Variants in NBAS observed in about 807,000 individuals in gnomAD.
NBAS encodes NBAS subunit of NRZ tethering complex, also known as NAG/BC035112 fusion.
A neutral mutation model predicts 302.5 loss-of-function variants in NBAS; 219 were observed. The ratio of observed to expected loss-of-function variants is 0.72; its 90% CI spans 0.65 to 0.81. NBAS has a LOEUF of 0.81. Among genes scored for constraint, NBAS ranks in the 30% least tolerant of loss-of-function variants. The pLI is 0.00. For missense variants in NBAS, 2,932 were observed against 2,841.6 expected (o/e 1.03, Z -0.72); for synonymous variants, 1,118 against 1,021.6 (o/e 1.09, Z -1.80).
chr2:15,041,893 G>A, the NBAS span, among the ~76,000 whole-genome samples: 1 of 152,090 alleles, frequency 6.6e-6, no homozygotes, highest in Non-Finnish European at 1.5e-5. Context: ...TAAGGCCTGG[G>A]AGGATGGGGC....
At chr2:15,098,556 T>C in the NBAS span, among the ~76,000 whole-genome samples, 1 of 121,552 alleles carries the variant, frequency 8.2e-6, no homozygotes, top group Non-Finnish European at 1.6e-5. Context: ...TAATATGTTA[T>C]ATATTATATA....
the NBAS span, among the ~76,000 whole-genome samples, chr2:14,955,950 G>T: frequency 6.6e-6 from 1 of 152,128 alleles, no homozygotes; most frequent in Non-Finnish European, 1.5e-5. Context: ...TTCTGCAGCT[G>T]GCATGAATTT....
chr2:14,980,325 T>C, the NBAS span, among the ~76,000 whole-genome samples: 1 of 151,916 alleles, frequency 6.6e-6, no homozygotes, highest in African/African-American at 2.4e-5. Flanking sequence ...AACTAAATCA[T>C]TAAGCCTTTG....
the NBAS span, among the ~76,000 whole-genome samples, chr2:14,808,234 C>G: frequency 2.0e-5 from 3 of 152,178 alleles, no homozygotes; most frequent in Non-Finnish European, 4.4e-5. Flanking sequence ...CAGCCAAGAA[C>G]AGAGAGCTAG....
At chr2:14,855,722 G>T in the NBAS span, among the ~76,000 whole-genome samples, 1 of 152,148 alleles carries the variant, frequency 6.6e-6, no homozygotes, top group Admixed American at 6.5e-5. Flanking sequence ...GGACAGCCTT[G>T]TGTTGTTTGA....
the NBAS span, among the ~76,000 whole-genome samples, chr2:15,028,784 A>G: frequency 5.3e-5 from 8 of 152,276 alleles, no homozygotes; most frequent in Non-Finnish European, 7.3e-5. Flanking sequence ...TAAGTCCCCA[A>G]TCTCAGTTTT....
At chr2:15,557,456 TTTA>T (rs200755654) in intron 2 of NBAS, among the ~76,000 whole-genome samples, 1,523 of 152,282 alleles carry the variant, frequency 0.01, 14 homozygotes, top group South Asian at 0.033. Flanking sequence ...ACAATGAATT[TTTA>T]TTATTTGTAC....
the NBAS span, among the ~76,000 whole-genome samples, chr2:15,053,706 T>C: frequency 6.6e-6 from 1 of 151,554 alleles, no homozygotes; most frequent in Admixed American, 6.6e-5. Context: ...GGCACGTCCA[T>C]GTGGAAAAAA....
At chr2:14,790,886 G>T in the NBAS span, among the ~76,000 whole-genome samples, 1 of 150,514 alleles carries the variant, frequency 6.6e-6, no homozygotes, top group Non-Finnish European at 1.5e-5. Context: ...ATAGAGTTTC[G>T]CTCTTGTTGC....
At chr2:15,441,843 C>T (rs1415823194) in intron 21 of NBAS, among the ~76,000 whole-genome samples, 1 of 151,768 alleles carries the variant, frequency 6.6e-6, no homozygotes, top group Non-Finnish European at 1.5e-5. Flanking sequence ...CAAAAAAAGG[C>T]AGGGGTTGCA....
chr2:15,192,771 A>G (rs1037425350), intron 48 of NBAS, among the ~76,000 whole-genome samples: 1 of 152,196 alleles, frequency 6.6e-6, no homozygotes, highest in African/African-American at 2.4e-5. Flanking sequence ...AGTGTTTCCA[A>G]TGTTCCTAGC....
At chr2:15,532,589 A>C (rs1393201625) in intron 9 of NBAS, among the ~76,000 whole-genome samples, 2 of 151,966 alleles carry the variant, frequency 1.3e-5, no homozygotes, top group Non-Finnish European at 2.9e-5. Flanking sequence ...CTCGTGGTAG[A>C]GTAAGAAAAC....
chr2:14,906,620 C>T, the NBAS span, among the ~76,000 whole-genome samples: 1 of 152,150 alleles, frequency 6.6e-6, no homozygotes, highest in Non-Finnish European at 1.5e-5. Context: ...TGAGGGATAA[C>T]TCGACAGGGG....
chr2:15,456,207 C>G (rs376466931), intron 21 of NBAS, among the ~76,000 whole-genome samples: 87 of 152,188 alleles, frequency 5.7e-4, no homozygotes, highest in Non-Finnish European at 1.2e-3. Context: ...CAATATAAAA[C>G]ACAAAAATAG....
chr2:15,189,465 C>T (rs1665241668), intron 49 of NBAS, among the ~76,000 whole-genome samples: 1 of 152,118 alleles, frequency 6.6e-6, no homozygotes. Context: ...GTCAGCTGAG[C>T]ATGGGGAGAG....
rs142747790 is a variant in NBAS at position 15,416,085 on chromosome 2, CAGAG to C, written c.2764-370_2764-367del. ...AGCAAAGAGAAGGCATACGCAAAAA[CAGAG>C]AGAGAGAGAGAGAGAGAGAGTATAA... On this transcript the variant is annotated intron_variant, in intron 24 of 51. Coordinates refer to ENST00000281513, the MANE Select transcript of NBAS (RefSeq NM_015909.4). Among the ~76,000 whole-genome samples, 313 of 147,744 alleles carry C rather than the reference CAGAG, an allele frequency of 2.1e-3. 2 individuals carry two copies. The highest frequency in any genetic ancestry group is 4.7e-3 in the African/African-American group (189 of 40,432).
intron 48 of NBAS, among the ~76,000 whole-genome samples, chr2:15,200,970 A>G (rs989665808): frequency 6.6e-6 from 1 of 152,248 alleles, no homozygotes; most frequent in Admixed American, 6.5e-5. Flanking sequence ...AGTTATTAAT[A>G]CATTTAAAAG....
chr2:14,928,836 G>A, the NBAS span, among the ~76,000 whole-genome samples: 7 of 152,066 alleles, frequency 4.6e-5, no homozygotes, highest in Non-Finnish European at 7.4e-5. Context: ...CAGTCCCCAC[G>A]CTCTGAACAG....
intron 35 of NBAS, among the ~76,000 whole-genome samples, chr2:15,342,938 G>T (rs1672922281): frequency 6.6e-6 from 1 of 151,248 alleles, no homozygotes; most frequent in Non-Finnish European, 1.5e-5. Context: ...ACTCCTGTTT[G>T]AGTACACTAA....
Sources: gnomAD v4.1 joint callset for allele counts (sites outside exome capture counted in the v4.1 genomes callset) on GRCh38, gnomAD v4.1.1 for gene constraint, MANE v1.5 for transcripts, NCBI Gene and HGNC (gene_info 2026-07-23, HGNC 2026-07-21) for gene names.